The following DNAAF9 variants were observed in gnomAD, a reference collection of about 807,000 sequenced individuals.
DNAAF9 encodes the protein shulin.
Under a neutral mutation model 167.0 loss-of-function variants are expected in DNAAF9, and 90 were observed. That is an observed-to-expected ratio of 0.54 (90% confidence interval 0.45 to 0.64). The LOEUF is 0.64. Ranked by LOEUF, DNAAF9 falls within the 30% of genes least tolerant of loss-of-function variation. The pLI is 0.00. For synonymous variants in DNAAF9, 491 were observed against 508.8 expected, an observed-to-expected ratio of 0.96 and a Z score of 0.47; for missense variants, 1,315 against 1,442.2, an observed-to-expected ratio of 0.91 and a Z score of 1.43.
intron 2 of DNAAF9, among the ~76,000 whole-genome samples, chr20:3,381,725 C>T (rs1298423385): frequency 6.6e-6 from 1 of 152,186 alleles, no homozygotes; most frequent in Admixed American, 6.5e-5. Context: ...TCAAACAGCA[C>T]AGATTATGGA....
chr20:3,296,915 C>T lies in DNAAF9; in HGVS notation c.1964G>A (p.Gly655Glu). The T allele has an allele frequency of 6.2e-7, 1 of 1,610,650 alleles. No homozygotes were observed. Among genetic ancestry groups the T allele is most frequent in the Non-Finnish European group, 8.5e-7 (1 of 1,176,968 alleles). Residue 655 changes from glycine to glutamate, a missense_variant, in exon 23 of 37, where the codon GGG becomes GAG. Coordinates refer to ENST00000252032, the MANE Select transcript of DNAAF9 (RefSeq NM_001009984.3). Reference protein sequence around the residue: ...FSLWKQQDNSGISLKVIQEDG... With the variant: ...FSLWKQQDNSEISLKVIQEDG... The stretch of plus-strand genomic sequence containing the variant: ...TTCCTGGATCACTTTTAAAGAGATC[C>T]CTGAGTTATCCTGCTGTTTCCAGAG...
In DNAAF9 at chr20:3,328,961, C is replaced by A. The variant is rs117981203; in HGVS notation, c.1100+1685G>T. Among the ~76,000 whole-genome samples, 112 of 151,750 alleles carry A rather than the reference C, an allele frequency of 7.4e-4. No individual in the cohort carries two copies. In the East Asian group the frequency reaches 0.017, roughly 23 times the overall value. ...CTCGGCTCACTGCAACCTCTGTATC[C>A]CAGGTTCAAGCACTTCTCCTGCTTC... On this transcript the variant is annotated intron_variant, in intron 12 of 36. Coordinates refer to ENST00000252032, the MANE Select transcript of DNAAF9 (RefSeq NM_001009984.3).
At chr20:3,336,258 G>GGT (rs1555793447) in intron 10 of DNAAF9, among the ~76,000 whole-genome samples, 3 of 113,566 alleles carry the variant, frequency 2.6e-5, no homozygotes, top group South Asian at 3.0e-4. Flanking sequence ...TTGCGTTTTT[G>GGT]TTTTTTTTTT....
At chr20:3,386,866 G>A (rs561819082) in intron 1 of DNAAF9, among the ~76,000 whole-genome samples, 3 of 152,046 alleles carry the variant, frequency 2.0e-5, no homozygotes, top group South Asian at 2.1e-4. Flanking sequence ...CAACATGTTC[G>A]ACATCATTAT....
At chr20:3,337,259 A>G (rs892006880) in intron 10 of DNAAF9, among the ~76,000 whole-genome samples, 2 of 142,848 alleles carry the variant, frequency 1.4e-5, no homozygotes, top group African/African-American at 2.6e-5. Flanking sequence ...GTAGTTGCTC[A>G]CTGAAGTTGT....
At chr20:3,332,758 C>T (rs2069855072) in intron 10 of DNAAF9, among the ~76,000 whole-genome samples, 2 of 152,128 alleles carry the variant, frequency 1.3e-5, no homozygotes, top group Admixed American at 1.3e-4. Context: ...ACCACTGCAC[C>T]TGGCCAGAAA....
At position 3,407,469 on chromosome 20, in the gene DNAAF9, G is replaced by A. The variant is rs781716266; in HGVS notation, c.83+6C>T. The A allele has an allele frequency of 5.0e-5, 66 of 1,311,526 alleles. 1 individual carries two copies. The South Asian group carries it at 1.2e-3, about 24-fold the overall frequency. 81.2% of individuals were successfully genotyped at this position (1,311,526 alleles called of 1,614,324 possible). On this transcript the variant is annotated splice_donor_region_variant and intron_variant, in intron 1 of 36. Transcript: ENST00000252032. ...GCCGCCCCTCGGCTGCCTCTGCCCC[G>A]CGTACCTGACGGAGGGTGACCCGCG...
chr20:3,336,744 G>A (rs2069960925), intron 10 of DNAAF9, among the ~76,000 whole-genome samples: 1 of 150,978 alleles, frequency 6.6e-6, no homozygotes, highest in Non-Finnish European at 1.5e-5. Flanking sequence ...TAGAGACGGG[G>A]TTTCGCCATG....
At chr20:3,350,194 T>A (rs940696715) in intron 7 of DNAAF9, among the ~76,000 whole-genome samples, 9 of 121,936 alleles carry the variant, frequency 7.4e-5, no homozygotes, top group African/African-American at 8.9e-5. Context: ...CACACACAAA[T>A]TCTGGCCAGG....
intron 29 of DNAAF9, among the ~76,000 whole-genome samples, chr20:3,276,379 A>G (rs911974696): frequency 2.6e-5 from 4 of 152,198 alleles, no homozygotes; most frequent in South Asian, 4.1e-4. Flanking sequence ...CGAAAACAGC[A>G]TATGTGGCCT....
At chr20:3,327,676 G>A (rs1332005246) in intron 12 of DNAAF9, among the ~76,000 whole-genome samples, 1 of 152,128 alleles carries the variant, frequency 6.6e-6, no homozygotes, top group African/African-American at 2.4e-5. Context: ...AAGCAATAAG[G>A]GCCTCTGGAA....
chr20:3,284,645 TA>T (rs1167858977), intron 27 of DNAAF9, among the ~76,000 whole-genome samples: 3 of 152,182 alleles, frequency 2.0e-5, no homozygotes, highest in African/African-American at 7.2e-5. Context: ...AAACAACAGA[TA>T]ATCTATTCAA....
At chr20:3,383,247 G>A (rs1199925052) in intron 1 of DNAAF9, among the ~76,000 whole-genome samples, 2 of 147,578 alleles carry the variant, frequency 1.4e-5, no homozygotes, top group Admixed American at 1.4e-4. Flanking sequence ...TCCAGGATCT[G>A]CCTCTAATAC....
In DNAAF9 at chr20:3,347,234, G is replaced by GAAGC. The variant is rs762939716; in HGVS notation, c.789+1287_789+1290dup. On this transcript the variant is annotated intron_variant, in intron 8 of 36. Coordinates refer to ENST00000252032, the MANE Select transcript of DNAAF9 (RefSeq NM_001009984.3). ...GAAATAATGCAAGCAAGAAGACACT[G>GAAGC]AAGCAAGATCTTTCAAGTATCAAAA... is the stretch of plus-strand genomic sequence containing the variant. Among the ~76,000 whole-genome samples the GAAGC allele has an allele frequency of 9.9e-5, 15 of 152,272 alleles. No homozygotes were observed. In the South Asian group the frequency reaches 1.2e-3, roughly 13 times the overall value.
chr20:3,324,629 G>A (rs2069678257), intron 14 of DNAAF9, among the ~76,000 whole-genome samples: 1 of 152,160 alleles, frequency 6.6e-6, no homozygotes, highest in South Asian at 2.1e-4. Flanking sequence ...ACCCAGGCTT[G>A]TCAAATCTCC....
At chr20:3,313,662 G>T (rs920816669) in intron 20 of DNAAF9, among the ~76,000 whole-genome samples, 1 of 152,194 alleles carries the variant, frequency 6.6e-6, no homozygotes, top group Non-Finnish European at 1.5e-5. Context: ...GATTTCATAT[G>T]AGCAGAAACA....
At chr20:3,298,978 C>T (rs1037809830) in intron 21 of DNAAF9, among the ~76,000 whole-genome samples, 2 of 148,638 alleles carry the variant, frequency 1.3e-5, no homozygotes, top group African/African-American at 5.0e-5. Flanking sequence ...GCATGATCTC[C>T]GCTCGCTGCA....
At chr20:3,375,391 G>A (rs937639401) in intron 4 of DNAAF9, among the ~76,000 whole-genome samples, 10 of 152,032 alleles carry the variant, frequency 6.6e-5, no homozygotes, top group South Asian at 2.1e-4. Context: ...AAAAAATTCC[G>A]CCAAATACTC....
chr20:3,279,899 T>C (rs1600697207), intron 28 of DNAAF9, among the ~76,000 whole-genome samples: 1 of 152,192 alleles, frequency 6.6e-6, no homozygotes, highest in African/African-American at 2.4e-5. Context: ...TGGCTGCTGG[T>C]CTAGCTGGCA....
Sources: gnomAD v4.1 joint callset for allele counts (sites outside exome capture counted in the v4.1 genomes callset) on GRCh38, gnomAD v4.1.1 for gene constraint, MANE v1.5 for transcripts, NCBI Gene and HGNC (gene_info 2026-07-23, HGNC 2026-07-21) for gene names.